Variants in MAP2K4 observed in about 807,000 individuals in gnomAD.
MAP2K4 encodes mitogen-activated protein kinase kinase 4.
A neutral mutation model predicts 48.5 loss-of-function variants in MAP2K4; 4 were observed. The ratio of observed to expected loss-of-function variants is 0.08; its 90% CI spans 0.04 to 0.19. The LOEUF (loss-of-function observed/expected upper bound fraction) is 0.19, where lower values mean the gene tolerates loss of function less well. Among genes scored for constraint, MAP2K4 ranks in the 10% least tolerant of loss-of-function variants. The pLI, the probability that MAP2K4 is intolerant of heterozygous loss-of-function variation, is 1.00. For synonymous variants in MAP2K4, 166 were observed against 173.1 expected, an observed-to-expected ratio of 0.96 and a Z score of 0.32; for missense variants, 258 against 493.3, an observed-to-expected ratio of 0.52 and a Z score of 4.52.
Position 12,020,951 on chromosome 17 carries a change from G to A in MAP2K4, c.65G>A (p.Gly22Asp). The A allele has an allele frequency of 1.3e-5, 16 of 1,210,290 alleles. No individual in the cohort carries two copies. Among genetic ancestry groups the A allele is most frequent in the Non-Finnish European group, 1.6e-5 (16 of 974,826 alleles). The allele number at this position is 1,210,290 out of a possible 1,614,324, so 75.0% of individuals were successfully genotyped here. A position where few individuals can be genotyped will look rare whatever the true frequency, so the allele number is the denominator to read the frequency against. The change falls in exon 1 of 11, where the codon GGC (glycine) becomes GAC (aspartate). Residue 22 changes from glycine to aspartate, a missense_variant. By Grantham distance (94) the Gly-to-Asp change is moderately conservative. Transcript: ENST00000353533. ...SGGGSGSGTP[G>D]PVGSPAPGHP... Reference sequence around the variant, plus strand: ...GGCGGCAGCGGCAGCGGCACCCCCGGCCCCGTAGGGTCCCCGGCGCCAGGC... The same window carrying A: ...GGCGGCAGCGGCAGCGGCACCCCCGACCCCGTAGGGTCCCCGGCGCCAGGC...
intron 1 of MAP2K4, among the ~76,000 whole-genome samples, chr17:12,044,795 A>G (rs1947637359): frequency 6.6e-6 from 1 of 152,206 alleles, no homozygotes; most frequent in African/African-American, 2.4e-5. Context: ...CTGGGCCTTC[A>G]GAACTTCTGA....
intron 7 of MAP2K4, among the ~76,000 whole-genome samples, chr17:12,114,195 A>G (rs1972402861): frequency 6.6e-6 from 1 of 152,168 alleles, no homozygotes; most frequent in South Asian, 2.1e-4. Context: ...CTTGATATAT[A>G]TGTTTTCAAA....
chr17:12,125,605 G>C (rs1972828893), intron 8 of MAP2K4, among the ~76,000 whole-genome samples: 1 of 152,056 alleles, frequency 6.6e-6, no homozygotes, highest in African/African-American at 2.4e-5. Flanking sequence ...GTTTTAACTG[G>C]ATCTCTTGGC....
rs11658092 is a variant in MAP2K4 at position 12,129,319 on chromosome 17, G to C, written c.1040+32G>C. 4.7e-3 allele frequency: 7,537 copies of C among 1,613,684 alleles called. 22 individuals carry two copies. Among genetic ancestry groups the C allele is most frequent in the Non-Finnish European group, 5.6e-3 (6,658 of 1,179,562 alleles). The stretch of plus-strand genomic sequence containing the variant: ...ACCTGATTTATGAATGGTCGAACAC[G>C]CATGGCGAGAATAGTGAGATTTACT... On this transcript the variant is annotated intron_variant, in intron 9 of 10. Coordinates refer to ENST00000353533, the MANE Select transcript of MAP2K4 (RefSeq NM_003010.4).
chr17:12,104,233 CACACG>C (rs1272441097), intron 4 of MAP2K4, among the ~76,000 whole-genome samples: 13 of 152,118 alleles, frequency 8.5e-5, no homozygotes, highest in Non-Finnish European at 1.6e-4. Context: ...CTATCATGTC[CACACG>C]AAGGAAAAGA....
At chr17:12,120,702 G>T (rs1423306046) in intron 7 of MAP2K4, among the ~76,000 whole-genome samples, 1 of 152,068 alleles carries the variant, frequency 6.6e-6, no homozygotes, top group African/African-American at 2.4e-5. Flanking sequence ...GTTGACTAGG[G>T]AGGAAACATT....
chr17:12,070,513 G>A (rs1234494379), intron 2 of MAP2K4, among the ~76,000 whole-genome samples: 1 of 151,996 alleles, frequency 6.6e-6, no homozygotes. Context: ...TATAGGATTT[G>A]GGCAGATAAT....
intron 2 of MAP2K4, among the ~76,000 whole-genome samples, chr17:12,059,686 T>C (rs1460011227): frequency 1.3e-5 from 2 of 152,180 alleles, no homozygotes; most frequent in East Asian, 1.9e-4. Context: ...GTTTATTACA[T>C]TGGAACAGAC....
At chr17:12,074,345 G>A (rs200730887) in intron 2 of MAP2K4, among the ~76,000 whole-genome samples, 1 of 152,032 alleles carries the variant, frequency 6.6e-6, no homozygotes, top group African/African-American at 2.4e-5. Context: ...GGCTGTTTTT[G>A]TATTTTCATG....
chr17:12,096,442 C>G lies in MAP2K4; in HGVS notation c.513+748C>G, dbSNP rs556054005. On this transcript the variant is annotated intron_variant, in intron 4 of 10. Transcript: ENST00000353533. The stretch of plus-strand genomic sequence containing the variant: ...GTTTGGGCTAGGGGTAGAACTGGAG[C>G]TGTAAATGAATTAATACATTATGAT... Among the ~76,000 whole-genome samples the G allele has an allele frequency of 5.3e-5, 8 of 152,198 alleles. No individual in the cohort carries two copies. The South Asian group carries it at 1.7e-3, about 32-fold the overall frequency.
Position 12,141,574 on chromosome 17 carries a change from T to C in MAP2K4, c.*314T>C. ...TTAGATCACATCTTAAATTCATTTC[T>C]AGACTCAAAACCTGGAGATGCAGCT... On this transcript the variant is annotated 3_prime_UTR_variant, in exon 11 of 11. Transcript: ENST00000353533. The C allele has an allele frequency of 2.9e-6, 1 of 342,094 alleles. No homozygotes were observed. The highest frequency in any genetic ancestry group is 5.4e-6 in the Non-Finnish European group (1 of 185,158). The allele number at this position is 342,094 out of a possible 1,614,324, so 21.2% of individuals were successfully genotyped here. A position where few individuals can be genotyped will look rare whatever the true frequency, so the allele number is the denominator to read the frequency against.
chr17:12,109,320 C>T lies in MAP2K4; in HGVS notation c.634-1055C>T, dbSNP rs9892078. Among the ~76,000 whole-genome samples the T allele has an allele frequency of 1.9e-3, 284 of 152,176 alleles. 2 individuals are homozygous for T. The highest frequency in any genetic ancestry group is 6.3e-3 in the African/African-American group (262 of 41,528). ...AAAAAATGATTTATTCCATATTTGC[C>T]TAAGTCAAGACTTGGTGATCACTTT... On this transcript the variant is annotated intron_variant, in intron 5 of 10. Coordinates refer to ENST00000353533, the MANE Select transcript of MAP2K4 (RefSeq NM_003010.4).
intron 2 of MAP2K4, among the ~76,000 whole-genome samples, chr17:12,060,884 T>C (rs1393234204): frequency 2.6e-5 from 4 of 152,158 alleles, no homozygotes; most frequent in Admixed American, 6.5e-5. Context: ...TGTGTTCACA[T>C]TGTTGTACAT....
At chr17:12,106,135 A>G (rs932658941) in intron 4 of MAP2K4, among the ~76,000 whole-genome samples, 27 of 151,962 alleles carry the variant, frequency 1.8e-4, no homozygotes, top group African/African-American at 5.8e-4. Context: ...CCGCTTTGCT[A>G]TATTATTGAG....
intron 9 of MAP2K4, among the ~76,000 whole-genome samples, chr17:12,138,528 G>A (rs1317048395): frequency 6.6e-6 from 1 of 152,054 alleles, no homozygotes; most frequent in African/African-American, 2.4e-5. Context: ...AGGAAGAGGA[G>A]GAGTTGGTCT....
chr17:12,092,218 A>G (rs1971586182), intron 3 of MAP2K4, among the ~76,000 whole-genome samples: 1 of 152,210 alleles, frequency 6.6e-6, no homozygotes. Flanking sequence ...ATATAAATAA[A>G]TGAAATTTTC....
At chr17:12,076,279 C>CTGTGTGTGTGTGTGTGTG (rs372806903) in intron 2 of MAP2K4, among the ~76,000 whole-genome samples, 72 of 135,250 alleles carry the variant, frequency 5.3e-4, no homozygotes, top group African/African-American at 9.4e-4. Flanking sequence ...TGTCACAGTT[C>CTGTGTGTGTGTGTGTGTG]TGTGTGTGTG....
intron 1 of MAP2K4, among the ~76,000 whole-genome samples, chr17:12,029,187 G>A (rs1969352135): frequency 6.6e-6 from 1 of 152,070 alleles, no homozygotes; most frequent in South Asian, 2.1e-4. Flanking sequence ...AGAATGAGGG[G>A]CAAATGTGGG....
At chr17:12,031,210 G>A (rs538239304) in intron 1 of MAP2K4, among the ~76,000 whole-genome samples, 27 of 152,234 alleles carry the variant, frequency 1.8e-4, no homozygotes, top group African/African-American at 6.5e-4. Flanking sequence ...TACTTCGGTG[G>A]TGCACCAAAG....
Sources: gnomAD v4.1 joint callset for allele counts (sites outside exome capture counted in the v4.1 genomes callset) on GRCh38, gnomAD v4.1.1 for gene constraint, MANE v1.5 for transcripts, NCBI Gene and HGNC (gene_info 2026-07-23, HGNC 2026-07-21) for gene names.